Variants in CYRIB observed in about 807,000 individuals in gnomAD.
The protein encoded by CYRIB is CYFIP related Rac1 interactor B, also known as CYFIP-related Rac1 interactor B.
Under a neutral mutation model 44.2 loss-of-function variants are expected in CYRIB, and 8 were observed. The observed-to-expected ratio is 0.18, with a 90% CI of 0.11 to 0.33. The LOEUF is 0.33. Among genes scored for constraint, CYRIB ranks in the 10% least tolerant of loss-of-function variants. The probability of loss-of-function intolerance (pLI) is 1.00; values close to 1 mark genes in which losing one functional copy is unlikely to be tolerated. For missense variants in CYRIB, 185 were observed against 382.8 expected (o/e 0.48, Z 4.31); for synonymous variants, 131 against 127.2 (o/e 1.03, Z -0.20).
rs111583351 is a variant in CYRIB at position 129,929,523 on chromosome 8, C to T, written c.-50+10085G>A. On this transcript the variant is annotated intron_variant, in intron 1 of 11. Transcript: ENST00000519824. The stretch of plus-strand genomic sequence containing the variant: ...GAATTTTATAGTGTATAAAGTATAC[C>T]TCAATAAAATTGTTTTTAAAAAGAT... Among the ~76,000 whole-genome samples, 1,300 of 151,934 alleles carry T rather than the reference C, an allele frequency of 8.6e-3. 17 individuals carry two copies. Among genetic ancestry groups the T allele is most frequent in the African/African-American group, 0.03 (1,239 of 41,372 alleles).
chr8:129,947,563 G>C (rs948078583), intron 2 of CYRIB, among the ~76,000 whole-genome samples: 4 of 152,112 alleles, frequency 2.6e-5, no homozygotes, highest in African/African-American at 9.7e-5. Context: ...TAAAAAAAGG[G>C]AGGACCCGAG....
chr8:129,952,442 T>C (rs1228720274), intron 2 of CYRIB, among the ~76,000 whole-genome samples: 1 of 152,062 alleles, frequency 6.6e-6, no homozygotes, highest in Non-Finnish European at 1.5e-5. Context: ...TATAATAGAA[T>C]GCAAAATTGT....
chr8:129,935,601 T>C (rs553727475), intron 1 of CYRIB, among the ~76,000 whole-genome samples: 3 of 152,360 alleles, frequency 2.0e-5, no homozygotes, highest in East Asian at 3.9e-4. Flanking sequence ...TGGGGACCCC[T>C]GCTCTAGACA....
chr8:129,892,962 C>A (rs959683373), intron 2 of CYRIB, among the ~76,000 whole-genome samples: 2 of 152,110 alleles, frequency 1.3e-5, no homozygotes, highest in African/African-American at 4.8e-5. Flanking sequence ...CAATTAGCGG[C>A]GGATTTGTGG....
rs551579821 is a variant in CYRIB at position 129,922,935 on chromosome 8, G to GA, written c.-50+16672dup. Among the ~76,000 whole-genome samples, 69 of 138,058 alleles carry GA rather than the reference G, an allele frequency of 5.0e-4. No individual in the cohort carries two copies. In the South Asian group the frequency reaches 0.011, roughly 23 times the overall value. 90.6% of individuals were successfully genotyped at this position (138,058 alleles called of 152,430 possible). On this transcript the variant is annotated intron_variant, in intron 1 of 11. Coordinates refer to ENST00000519824, the Ensembl canonical transcript of CYRIB. ...AACTACTCCTACTAAGAATAGTAAT[G>GA]AAAAAATTCTCCGGCCGGGCGCGGT...
At chr8:129,993,454 TG>T (rs1234178104) in intron 1 of CYRIB, among the ~76,000 whole-genome samples, 4 of 151,856 alleles carry the variant, frequency 2.6e-5, no homozygotes, top group African/African-American at 9.7e-5. Flanking sequence ...CCCAGCACTT[TG>T]GGAGGCCAAG....
chr8:129,955,238 A>G, intron 2 of CYRIB, among the ~76,000 whole-genome samples: 1 of 140,076 alleles, frequency 7.1e-6, no homozygotes, highest in East Asian at 2.1e-4. Context: ...GGGTGACAGA[A>G]CAAAACTCCG....
intron 1 of CYRIB, among the ~76,000 whole-genome samples, chr8:129,931,999 T>C (rs2091602575): frequency 6.9e-6 from 1 of 144,298 alleles, no homozygotes; most frequent in Non-Finnish European, 1.5e-5. Context: ...AGTATCTTCT[T>C]TTTTTTTTTT....
chr8:129,905,201 GGATTGATT>G (rs3077898), intron 1 of CYRIB, among the ~76,000 whole-genome samples: 12 of 150,384 alleles, frequency 8.0e-5, no homozygotes, highest in South Asian at 2.1e-4. Context: ...CACCCAGGCT[GGATTGATT>G]GATTGATTGA....
intron 2 of CYRIB, among the ~76,000 whole-genome samples, chr8:129,894,039 T>C (rs1008181712): frequency 6.6e-6 from 1 of 152,354 alleles, no homozygotes; most frequent in Middle Eastern, 3.4e-3. Context: ...TTACATACTA[T>C]TGGATTATTC....
intron 1 of CYRIB, among the ~76,000 whole-genome samples, chr8:129,991,300 AT>A (rs1285527330): frequency 7.1e-6 from 1 of 141,678 alleles, no homozygotes; most frequent in Non-Finnish European, 1.5e-5. Context: ...TAGAATGGAC[AT>A]TTGAAAGTCT....
At chr8:129,897,326 C>T (rs960469814) in intron 2 of CYRIB, among the ~76,000 whole-genome samples, 4 of 152,038 alleles carry the variant, frequency 2.6e-5, no homozygotes, top group African/African-American at 7.2e-5. Context: ...ACTGAATAAG[C>T]ACAATTAAGA....
intron 5 of CYRIB, among the ~76,000 whole-genome samples, chr8:129,858,279 C>G (rs918467941): frequency 6.6e-6 from 1 of 152,150 alleles, no homozygotes; most frequent in Admixed American, 6.5e-5. Context: ...TAAAACAAAA[C>G]CATGAGATTA....
At chr8:130,012,123 C>G (rs914416352) in intron 1 of CYRIB, among the ~76,000 whole-genome samples, 18 of 152,074 alleles carry the variant, frequency 1.2e-4, no homozygotes, top group Non-Finnish European at 2.5e-4. Flanking sequence ...CAAACCTCCT[C>G]ATCAACTTCG....
intron 2 of CYRIB, among the ~76,000 whole-genome samples, chr8:129,895,929 T>G (rs936529928): frequency 1.2e-4 from 19 of 152,372 alleles, no homozygotes; most frequent in Admixed American, 1.0e-3. Context: ...ACATTTCACC[T>G]TGGATTATTT....
intron 1 of CYRIB, among the ~76,000 whole-genome samples, chr8:129,986,904 C>T (rs1033417518): frequency 3.3e-5 from 5 of 152,196 alleles, no homozygotes; most frequent in Non-Finnish European, 5.9e-5. Flanking sequence ...CATCCCCTAA[C>T]CCTCCCCTAA....
chr8:130,005,838 G>T (rs533699174), intron 1 of CYRIB, among the ~76,000 whole-genome samples: 1 of 150,802 alleles, frequency 6.6e-6, no homozygotes, highest in Middle Eastern at 3.2e-3. Flanking sequence ...AAATGTAAAG[G>T]CTGGAAAAGA....
At chr8:129,940,072 T>A (rs931185649), upstream of CYRIB, among the ~76,000 whole-genome samples, 1 of 152,046 alleles carries the variant, frequency 6.6e-6, no homozygotes, top group African/African-American at 2.4e-5. Flanking sequence ...GGCAGCACCT[T>A]CGCAAATATC....
intron 2 of CYRIB, among the ~76,000 whole-genome samples, chr8:129,886,595 A>G (rs2062848847): frequency 6.6e-6 from 1 of 152,050 alleles, no homozygotes; most frequent in South Asian, 2.1e-4. Flanking sequence ...TTCGTTCTCT[A>G]TTAAACCCAC....
Sources: gnomAD v4.1 joint callset for allele counts (sites outside exome capture counted in the v4.1 genomes callset) on GRCh38, gnomAD v4.1.1 for gene constraint, MANE v1.5 for transcripts, NCBI Gene and HGNC (gene_info 2026-07-23, HGNC 2026-07-21) for gene names.